Variants in PPP6R3 observed in about 807,000 individuals in gnomAD.
The protein encoded by PPP6R3 is protein phosphatase 6 regulatory subunit 3, also known as serine/threonine-protein phosphatase 6 regulatory subunit 3.
In PPP6R3, 38 loss-of-function variants were observed where a neutral mutation model predicts 110.7. The ratio of observed to expected loss-of-function variants is 0.34; its 90% CI spans 0.26 to 0.45. The LOEUF is 0.45. Ranked by LOEUF, PPP6R3 falls within the 20% of genes least tolerant of loss-of-function variation. The probability of loss-of-function intolerance (pLI) is 1.00; values close to 1 mark genes in which losing one functional copy is unlikely to be tolerated. For missense variants in PPP6R3, 870 were observed against 1,062.4 expected (o/e 0.82, Z 2.52); for synonymous variants, 369 against 373.5 (o/e 0.99, Z 0.14).
chr11:68,534,268 G>A (rs1054987894), intron 2 of PPP6R3, among the ~76,000 whole-genome samples: 2 of 152,198 alleles, frequency 1.3e-5, no homozygotes, highest in African/African-American at 4.8e-5. Context: ...TTTATTTCCT[G>A]TGGAACAAAG....
chr11:68,548,279 G>A, intron 5 of PPP6R3, 75 bp downstream of exon 5: 2 of 1,559,334 alleles, frequency 1.3e-6, no homozygotes, highest in Middle Eastern at 3.4e-4. Context: ...GCTGTGTGCT[G>A]GGAAGGAATG....
intron 1 of PPP6R3, among the ~76,000 whole-genome samples, chr11:68,508,676 C>T (rs1281991051): frequency 6.6e-6 from 1 of 152,062 alleles, no homozygotes; most frequent in Non-Finnish European, 1.5e-5. Context: ...CAAAGCAGTC[C>T]TCATTCTTAA....
At chr11:68,465,799 G>T (rs1323534473) in intron 1 of PPP6R3, among the ~76,000 whole-genome samples, 1 of 152,194 alleles carries the variant, frequency 6.6e-6, no homozygotes, top group Non-Finnish European at 1.5e-5. Context: ...TCTGTTTGCT[G>T]GTCAGTTGGT....
chr11:68,563,202 A>G (rs1254519585), intron 8 of PPP6R3, among the ~76,000 whole-genome samples: 1 of 152,128 alleles, frequency 6.6e-6, no homozygotes. Context: ...GGAAACAACA[A>G]AAACAAAGCA....
At position 68,564,430 on chromosome 11, in the gene PPP6R3, A is replaced by C. The variant is rs2099447904; in HGVS notation, c.973A>C (p.Lys325Gln). The change falls in exon 9 of 24, where the codon AAG (lysine) becomes CAG (glutamine). Residue 325 changes from lysine to glutamine, a missense_variant and splice_region_variant. By Grantham distance (53) the Lys-to-Gln change is moderately conservative (BLOSUM62 1). Transcript: ENST00000393800. ...TCATGAACTCCTGCTGGAGCCACCC[A>C]AGGTAGGGGAGCTATGTTAAGCATG... ...SFHELLLEPPKKSVMKTTWGV... is the reference protein window; with the variant it reads ...SFHELLLEPPQKSVMKTTWGV... 1 of 1,613,760 alleles carries C rather than the reference A, an allele frequency of 6.2e-7. No individual in the cohort carries two copies. Among genetic ancestry groups the C allele is most frequent in the Non-Finnish European group, 8.5e-7 (1 of 1,179,822 alleles).
chr11:68,503,987 GTGGAGAGCCACTTGGCCATGTACCTCAT>G (rs1399423833), intron 1 of PPP6R3, among the ~76,000 whole-genome samples: 3 of 152,214 alleles, frequency 2.0e-5, no homozygotes, highest in African/African-American at 2.4e-5. Flanking sequence ...GCTGACCTCC[GTGGAGAGCCACTTGGCCATGTACCTCAT>G]TGGAGAGCCA....
chr11:68,528,570 A>G (rs2099215626), intron 2 of PPP6R3, among the ~76,000 whole-genome samples: 1 of 151,294 alleles, frequency 6.6e-6, no homozygotes, highest in Admixed American at 6.6e-5. Flanking sequence ...AGCTGCTTTT[A>G]CTCCTTTGTG....
At chr11:68,556,549 A>AAG (rs2099400228) in intron 7 of PPP6R3, among the ~76,000 whole-genome samples, 1 of 149,118 alleles carries the variant, frequency 6.7e-6, no homozygotes, top group South Asian at 2.1e-4. Context: ...AAAAAAAAAA[A>AAG]CGAAAAAAAA....
rs1174344337 is a variant in PPP6R3 at position 68,596,098 on chromosome 11, T to G, written c.1918T>G (p.Ser640Ala). ...TACTTGGGTCTTGTTTTTCCTTAGCTCGGGGAGTACAGACAGTGAGGAAAG... is the reference window on the plus strand; with the variant it reads ...TACTTGGGTCTTGTTTTTCCTTAGCGCGGGGAGTACAGACAGTGAGGAAAG... ...FTPESQRRSS[S>A]GSTDSEESTD... The change falls in exon 19 of 24, where the codon TCG becomes GCG. Residue 640 changes from serine (S) to alanine (A), a missense_variant and splice_region_variant. Transcript: ENST00000393800. 1 of 1,614,118 alleles carries G rather than the reference T, an allele frequency of 6.2e-7. No homozygotes were observed. Among genetic ancestry groups the G allele is most frequent in the South Asian group, 1.1e-5 (1 of 91,074 alleles).
At chr11:68,511,424 C>T (rs944495144) in intron 1 of PPP6R3, among the ~76,000 whole-genome samples, 2 of 149,668 alleles carry the variant, frequency 1.3e-5, no homozygotes, top group Non-Finnish European at 3.0e-5. Context: ...CTTTCCTAAA[C>T]AACTTTTGGT....
Position 68,613,800 on chromosome 11 carries a change from AAAGCCATATGT to A in PPP6R3, c.*684_*694del. The A allele has an allele frequency of 1.0e-6, 1 of 985,144 alleles. No individual in the cohort carries two copies. The allele number at this position is 985,144 out of a possible 1,614,324, so 61.0% of individuals were successfully genotyped here. A position where few individuals can be genotyped will look rare whatever the true frequency, so the allele number is the denominator to read the frequency against. ...ATAGTTGATAAATTGATGTTATCGT[AAAGCCATATGT>A]TCTGTTCAAGTCTTGTTTGCTTGAA... On this transcript the variant is annotated 3_prime_UTR_variant, in exon 24 of 24. Transcript: ENST00000393800.
At chr11:68,512,292 G>A (rs2099114815) in intron 1 of PPP6R3, among the ~76,000 whole-genome samples, 1 of 152,160 alleles carries the variant, frequency 6.6e-6, no homozygotes, top group Non-Finnish European at 1.5e-5. Flanking sequence ...TTTCTAGAGA[G>A]TGGCCTCTTT....
rs1370941740 is a variant in PPP6R3 at position 68,574,242 on chromosome 11, T to G, written c.1459+18T>G. 6.3e-7 allele frequency: 1 copy of G among 1,595,156 alleles called. No homozygotes were observed. Among genetic ancestry groups the G allele is most frequent in the Non-Finnish European group, 8.6e-7 (1 of 1,163,290 alleles). On this transcript the variant is annotated intron_variant, in intron 13 of 23. Transcript: ENST00000393800. The stretch of plus-strand genomic sequence containing the variant: ...TATCAAAGGTAAGTTATTTGTGAAA[T>G]TTGAATTACATTTTTGTTGGGTTGC...
At chr11:68,597,342 C>T (rs1195101124) in intron 19 of PPP6R3, among the ~76,000 whole-genome samples, 1 of 152,168 alleles carries the variant, frequency 6.6e-6, no homozygotes, top group Non-Finnish European at 1.5e-5. Context: ...CCAGAACGTG[C>T]TGTTTTGCAT....
intron 2 of PPP6R3, among the ~76,000 whole-genome samples, chr11:68,525,383 T>A (rs1414676222): frequency 6.6e-6 from 1 of 152,246 alleles, no homozygotes; most frequent in Non-Finnish European, 1.5e-5. Flanking sequence ...AAGATTGTTT[T>A]TCATAAGGAG....
At chr11:68,480,177 G>A (rs1043003833) in intron 1 of PPP6R3, among the ~76,000 whole-genome samples, 2 of 151,946 alleles carry the variant, frequency 1.3e-5, no homozygotes, top group African/African-American at 2.4e-5. Flanking sequence ...TCAGCTATAC[G>A]GACCATATAT....
chr11:68,580,143 A>G (rs1053261330), intron 14 of PPP6R3, among the ~76,000 whole-genome samples: 9 of 152,066 alleles, frequency 5.9e-5, no homozygotes, highest in Admixed American at 5.2e-4. Flanking sequence ...AGAGGACTCG[A>G]ATTTGGGTTG....
intron 23 of PPP6R3, among the ~76,000 whole-genome samples, chr11:68,610,322 TGAG>T (rs1228536825): frequency 6.6e-6 from 1 of 152,138 alleles, no homozygotes; most frequent in Non-Finnish European, 1.5e-5. Context: ...CCCTTGTTGT[TGAG>T]GTACTGAGCT....
chr11:68,527,630 A>G (rs1008118716), intron 2 of PPP6R3, among the ~76,000 whole-genome samples: 3 of 130,114 alleles, frequency 2.3e-5, no homozygotes, highest in Non-Finnish European at 5.0e-5. Flanking sequence ...GAATTGTTCT[A>G]TGTTATTAAA....
Sources: gnomAD v4.1 joint callset for allele counts (sites outside exome capture counted in the v4.1 genomes callset) on GRCh38, gnomAD v4.1.1 for gene constraint, MANE v1.5 for transcripts, NCBI Gene and HGNC (gene_info 2026-07-23, HGNC 2026-07-21) for gene names.